Variants in MGAT5 observed in about 807,000 individuals in gnomAD.
MGAT5 encodes the protein alpha-1,6-mannosylglycoprotein 6-beta-N-acetylglucosaminyltransferase A.
In MGAT5, 30 loss-of-function variants were observed where a neutral mutation model predicts 94.3. The ratio of observed to expected loss-of-function variants is 0.32; its 90% CI spans 0.24 to 0.43. MGAT5 has a LOEUF of 0.43. Ranked by LOEUF, MGAT5 falls within the 20% of genes least tolerant of loss-of-function variation. The pLI is 1.00. For synonymous variants in MGAT5, 310 were observed against 322.9 expected (o/e 0.96, Z 0.43); for missense variants, 691 against 905.5 (o/e 0.76, Z 3.04).
At chr2:134,378,152 G>A (rs1681303140) in intron 10 of MGAT5, among the ~76,000 whole-genome samples, 2 of 152,198 alleles carry the variant, frequency 1.3e-5, no homozygotes, top group Non-Finnish European at 2.9e-5. Flanking sequence ...GCACTAAAGT[G>A]TTGTCAGTAG....
intron 1 of MGAT5, among the ~76,000 whole-genome samples, chr2:134,160,151 G>A (rs1301505168): frequency 6.6e-6 from 1 of 151,678 alleles, no homozygotes. Flanking sequence ...GTGGTAATAC[G>A]GTTTCCACTT....
chr2:134,374,067 T>TTTC (rs1359481072), intron 10 of MGAT5, among the ~76,000 whole-genome samples: 1 of 152,196 alleles, frequency 6.6e-6, no homozygotes, highest in Non-Finnish European at 1.5e-5. Context: ...TGTGTGTAGA[T>TTTC]TTCTGCCTTT....
intron 15 of MGAT5, among the ~76,000 whole-genome samples, chr2:134,443,767 G>A (rs954444654): frequency 2.6e-5 from 4 of 152,212 alleles, no homozygotes; most frequent in Admixed American, 6.5e-5. Context: ...AGCTCTTGGA[G>A]TAAGGTGGAT....
At chr2:134,433,684 G>T (rs1685009007) in intron 14 of MGAT5, among the ~76,000 whole-genome samples, 2 of 152,172 alleles carry the variant, frequency 1.3e-5, no homozygotes, top group Non-Finnish European at 2.9e-5. Flanking sequence ...TGCTAATCCA[G>T]TCAGTTACTC....
rs565300306 is a variant in MGAT5, at chr2:134,282,059, T to C, written c.406+11509T>C. ...TCTGGGGAGGCAGATGGGTGTCTCC[T>C]GGAGATGGTTGTGTGTTCAGGTTTT... is the stretch of plus-strand genomic sequence containing the variant. On this transcript the variant is annotated intron_variant, in intron 2 of 15. Coordinates refer to ENST00000281923, the MANE Select transcript of MGAT5 (RefSeq NM_002410.5). Among the ~76,000 whole-genome samples, 30 of 152,302 alleles carry C rather than the reference T, an allele frequency of 2.0e-4. No individual in the cohort carries two copies. In the East Asian group the frequency reaches 2.9e-3, roughly 15 times the overall value.
chr2:134,448,078 G>A (rs1221496285), intron 15 of MGAT5, among the ~76,000 whole-genome samples: 1 of 152,252 alleles, frequency 6.6e-6, no homozygotes, highest in East Asian at 1.9e-4. Flanking sequence ...TAATTAAAAA[G>A]TTAAACATAC....
intron 1 of MGAT5, among the ~76,000 whole-genome samples, chr2:134,161,288 C>T (rs1048903686): frequency 1.8e-4 from 27 of 152,336 alleles, no homozygotes; most frequent in Non-Finnish European, 2.8e-4. Flanking sequence ...AGTGTGTTGC[C>T]AAGGCCGTGG....
rs375239239 is a variant in MGAT5, at chr2:134,234,947, T to A, written c.-142-19315T>A. Reference sequence around the variant, plus strand: ...CAGCTTCAAGTGCTTAGGGTGGTGGTTGTAAGGAAGGTTGCAGATGCGTTT... The same window carrying A: ...CAGCTTCAAGTGCTTAGGGTGGTGGATGTAAGGAAGGTTGCAGATGCGTTT... On this transcript the variant is annotated intron_variant, in intron 1 of 16. Transcript: ENST00000409645. Among the ~76,000 whole-genome samples the A allele has an allele frequency of 3.3e-5, 5 of 151,906 alleles. No individual in the cohort carries two copies. The East Asian group carries it at 5.8e-4, about 18-fold the overall frequency.
chr2:134,233,875 G>T (rs901105257), intron 1 of MGAT5, among the ~76,000 whole-genome samples: 9 of 152,194 alleles, frequency 5.9e-5, no homozygotes, highest in African/African-American at 2.2e-4. Flanking sequence ...ACACCAGATT[G>T]CCTCTCTATT....
At chr2:134,308,360 G>A (rs758235651) in intron 2 of MGAT5, among the ~76,000 whole-genome samples, 3 of 152,130 alleles carry the variant, frequency 2.0e-5, no homozygotes, top group Non-Finnish European at 4.4e-5. Context: ...CTTGTCACAC[G>A]ATAATCCAGT....
At chr2:134,120,482 C>A (rs1685516739) in intron 1 of MGAT5, among the ~76,000 whole-genome samples, 1 of 151,782 alleles carries the variant, frequency 6.6e-6, no homozygotes, top group African/African-American at 2.4e-5. Context: ...CCGGCCCCGG[C>A]CGCTCTGCAG....
chr2:134,243,129 T>C (rs1049177826), intron 1 of MGAT5, among the ~76,000 whole-genome samples: 6 of 152,096 alleles, frequency 3.9e-5, no homozygotes, highest in African/African-American at 1.4e-4. Flanking sequence ...TGTTATAGAA[T>C]GTCTTTTAAA....
chr2:134,314,195 C>T (rs1307097343), intron 2 of MGAT5, among the ~76,000 whole-genome samples: 1 of 152,212 alleles, frequency 6.6e-6, no homozygotes, highest in Non-Finnish European at 1.5e-5. Flanking sequence ...CACAGATTCC[C>T]TCTACCTGAG....
At chr2:134,154,580 C>T (rs182453830) in intron 1 of MGAT5, among the ~76,000 whole-genome samples, 1 of 152,158 alleles carries the variant, frequency 6.6e-6, no homozygotes, top group African/African-American at 2.4e-5. Flanking sequence ...GCTGTGTAAG[C>T]TGGTGGTAAG....
intron 1 of MGAT5, among the ~76,000 whole-genome samples, chr2:134,189,098 G>T (rs973462338): frequency 2.0e-5 from 3 of 152,190 alleles, no homozygotes; most frequent in Non-Finnish European, 4.4e-5. Context: ...AAAAGCTCCA[G>T]TGAGCCTGGT....
chr2:134,400,156 C>G (rs1428621871), intron 10 of MGAT5, among the ~76,000 whole-genome samples: 1 of 152,128 alleles, frequency 6.6e-6, no homozygotes, highest in Admixed American at 6.5e-5. Flanking sequence ...ACCACAGGTG[C>G]AAAACTGGTG....
At position 134,452,515 on chromosome 2, in the gene MGAT5, C is replaced by G. The variant is rs1183174040; in HGVS notation, c.*3668C>G. On this transcript the variant is annotated 3_prime_UTR_variant, in exon 16 of 16. Coordinates refer to ENST00000281923, the MANE Select transcript of MGAT5 (RefSeq NM_002410.5). ...TGGGAGTGGAGCCCAGTGCAGCTCACTGACAGGGTTGACATCAGTATGATG... is the reference window on the plus strand; with the variant it reads ...TGGGAGTGGAGCCCAGTGCAGCTCAGTGACAGGGTTGACATCAGTATGATG... The G allele has an allele frequency of 6.6e-6, 1 of 152,222 alleles. No homozygotes were observed. The highest frequency in any genetic ancestry group is 1.5e-5 in the Non-Finnish European group (1 of 68,042). The allele number at this position is 152,222 out of a possible 1,614,324, so 9.4% of individuals were successfully genotyped here. A position where few individuals can be genotyped will look rare whatever the true frequency, so the allele number is the denominator to read the frequency against.
At chr2:134,285,146 C>T (rs988512928) in intron 2 of MGAT5, among the ~76,000 whole-genome samples, 1 of 151,866 alleles carries the variant, frequency 6.6e-6, no homozygotes, top group Admixed American at 6.5e-5. Context: ...ATTAAAAACA[C>T]TTTTTATAAT....
At chr2:134,374,376 A>G (rs938322949) in intron 10 of MGAT5, among the ~76,000 whole-genome samples, 1 of 152,164 alleles carries the variant, frequency 6.6e-6, no homozygotes, top group Non-Finnish European at 1.5e-5. Flanking sequence ...CATGTCATAA[A>G]CACCTTGAAA....
Sources: allele counts gnomAD v4.1 joint callset (sites outside exome capture counted in the v4.1 genomes callset), GRCh38; gene constraint gnomAD v4.1.1; transcripts MANE v1.5; gene names NCBI Gene and HGNC (gene_info 2026-07-23, HGNC 2026-07-21).